PPA2: variants seen among roughly 807,000 people sequenced by gnomAD.
PPA2 encodes inorganic pyrophosphatase 2, mitochondrial.
In PPA2, 48 loss-of-function variants were observed where a neutral mutation model predicts 49.5. The ratio of observed to expected loss-of-function variants is 0.97; its 90% confidence interval spans 0.77 to 1.23. The LOEUF (loss-of-function observed/expected upper bound fraction) is 1.23. Ranked by LOEUF, PPA2 falls within the 50% of genes most tolerant of loss-of-function variation. PPA2 has a pLI of 0.00. For synonymous variants in PPA2, 131 were observed against 139.9 expected (o/e 0.94, Z 0.45); for missense variants, 429 against 410.1 (o/e 1.05, Z -0.40).
intron 8 of PPA2, among the ~76,000 whole-genome samples, chr4:105,398,002 G>A (rs1734213929): frequency 6.6e-6 from 1 of 151,962 alleles, no homozygotes; most frequent in African/African-American, 2.4e-5. Context: ...AAAAAGCAAT[G>A]CATAAAACAA....
chr4:105,456,149 T>A, intron 2 of PPA2: 1 of 416,106 alleles, frequency 2.4e-6, no homozygotes, highest in Non-Finnish European at 4.6e-6. Flanking sequence ...CCACCATTTT[T>A]ACCCCTGCTT....
At chr4:105,433,143 TAGG>T (rs1413571673) in intron 6 of PPA2, among the ~76,000 whole-genome samples, 1 of 152,128 alleles carries the variant, frequency 6.6e-6, no homozygotes, top group African/African-American at 2.4e-5. Flanking sequence ...ACAAAAAGGC[TAGG>T]AGAAGTTTTT....
At chr4:105,420,524 T>A (rs1723204962) in intron 7 of PPA2, among the ~76,000 whole-genome samples, 1 of 152,232 alleles carries the variant, frequency 6.6e-6, no homozygotes, top group Non-Finnish European at 1.5e-5. Flanking sequence ...AGAAAATTCC[T>A]GATAGCTGCC....
At chr4:105,396,440 G>T in intron 8 of PPA2, 106 bp from the exon 9 acceptor site, 1 of 731,628 alleles carries the variant, frequency 1.4e-6, no homozygotes, top group Non-Finnish European at 2.1e-6. Context: ...AAGAGCATGA[G>T]CTCCAGAGTC....
intron 5 of PPA2, among the ~76,000 whole-genome samples, chr4:105,440,444 G>A (rs1440599643): frequency 1.3e-5 from 2 of 151,890 alleles, no homozygotes; most frequent in African/African-American, 4.8e-5. Flanking sequence ...TGTATTTTTA[G>A]TATAGACGGG....
intron 1 of PPA2, among the ~76,000 whole-genome samples, chr4:105,460,856 C>CATATATATATATATATAT (rs1491341057): frequency 9.3e-5 from 13 of 139,148 alleles, no homozygotes; most frequent in Non-Finnish European, 1.5e-4. Flanking sequence ...GATGTAAGAT[C>CATATATATATATATATAT]ACATATATAT....
At chr4:105,393,485 AAATAATAATAATAAT>A (rs57790851) in intron 9 of PPA2, among the ~76,000 whole-genome samples, 34,765 of 132,614 alleles carry the variant, frequency 0.26, 4,714 homozygotes, top group South Asian at 0.33. Context: ...CACTGTCTCA[AAATAATAATAATAAT>A]AATAATAATA....
At chr4:105,411,857 A>T (rs984440444) in intron 7 of PPA2, among the ~76,000 whole-genome samples, 4 of 152,220 alleles carry the variant, frequency 2.6e-5, no homozygotes, top group African/African-American at 9.6e-5. Flanking sequence ...CAAAGAGAAT[A>T]AAATACCTAG....
intron 5 of PPA2, among the ~76,000 whole-genome samples, chr4:105,444,755 T>A (rs1724527194): frequency 6.6e-6 from 1 of 152,162 alleles, no homozygotes; most frequent in Middle Eastern, 3.2e-3. Flanking sequence ...TTATACCACA[T>A]CATAACCAGC....
chr4:105,414,135 A>G (rs1378569691), intron 7 of PPA2, among the ~76,000 whole-genome samples: 3 of 152,256 alleles, frequency 2.0e-5, no homozygotes, highest in African/African-American at 7.2e-5. Flanking sequence ...TAAAGAATTA[A>G]AACAAGATAA....
intron 10 of PPA2, among the ~76,000 whole-genome samples, chr4:105,377,156 A>C (rs1422147718): frequency 6.6e-6 from 1 of 152,178 alleles, no homozygotes; most frequent in African/African-American, 2.4e-5. Flanking sequence ...AAAAATTAGT[A>C]AGGCTGACTT....
chr4:105,431,012 A>T (rs1385474296), intron 6 of PPA2, among the ~76,000 whole-genome samples: 4 of 152,210 alleles, frequency 2.6e-5, no homozygotes, highest in African/African-American at 9.7e-5. Flanking sequence ...TCATACCCCA[A>T]ACTGAGCCAA....
intron 5 of PPA2, among the ~76,000 whole-genome samples, chr4:105,441,545 C>T (rs952995083): frequency 6.6e-6 from 1 of 151,856 alleles, no homozygotes; most frequent in Non-Finnish European, 1.5e-5. Flanking sequence ...AGTTATACAA[C>T]TCATAATTTG....
intron 5 of PPA2, among the ~76,000 whole-genome samples, chr4:105,443,697 A>C (rs1051831646): frequency 6.6e-6 from 1 of 152,086 alleles, no homozygotes; most frequent in African/African-American, 2.4e-5. Flanking sequence ...AAAAAGTAGT[A>C]CAGATCTCTA....
Position 105,396,230 on chromosome 4 carries a change from A to G in PPA2, c.869+19T>C, listed in dbSNP as rs376079328. ...CCAATTAATATAACATTACTTACAT[A>G]GAAAAGACAAATTCTTACCAATTTA... On this transcript the variant is annotated intron_variant, in intron 9 of 11. Transcript: ENST00000341695. 3 of 1,479,394 alleles carry G rather than the reference A, an allele frequency of 2.0e-6. No homozygotes were observed. The highest frequency in any genetic ancestry group is 2.8e-5 in the African/African-American group (2 of 71,820). 91.6% of individuals were successfully genotyped at this position (1,479,394 alleles called of 1,614,324 possible).
At chr4:105,408,253 G>A (rs1464193682) in intron 7 of PPA2, among the ~76,000 whole-genome samples, 4 of 152,154 alleles carry the variant, frequency 2.6e-5, no homozygotes, top group African/African-American at 9.6e-5. Context: ...AAACCACTAA[G>A]GTGCAAAACT....
chr4:105,420,037 T>C (rs1331508149), intron 7 of PPA2, among the ~76,000 whole-genome samples: 4 of 151,898 alleles, frequency 2.6e-5, no homozygotes, highest in African/African-American at 7.3e-5. Context: ...CAATGGCGTG[T>C]TCTTGGCTCA....
At chr4:105,377,940 G>A (rs1173541652) in intron 10 of PPA2, among the ~76,000 whole-genome samples, 1 of 151,952 alleles carries the variant, frequency 6.6e-6, no homozygotes, top group Non-Finnish European at 1.5e-5. Flanking sequence ...TTCATCTACT[G>A]ATGAACATTT....
intron 10 of PPA2, among the ~76,000 whole-genome samples, chr4:105,372,685 T>A (rs1472885835): frequency 1.3e-5 from 2 of 152,204 alleles, no homozygotes; most frequent in Non-Finnish European, 2.9e-5. Context: ...TCCAGGCTGC[T>A]GGCCTTCACA....
Sources: gnomAD v4.1 joint callset for allele counts (sites outside exome capture counted in the v4.1 genomes callset) on GRCh38, gnomAD v4.1.1 for gene constraint, MANE v1.5 for transcripts, NCBI Gene and HGNC (gene_info 2026-07-23, HGNC 2026-07-21) for gene names.